Variants in FBXL13 observed in about 807,000 individuals in gnomAD.
The protein encoded by FBXL13 is F-box and leucine rich repeat protein 13.
Under a neutral mutation model 83.6 loss-of-function variants are expected in FBXL13, and 67 were observed. The ratio of observed to expected loss-of-function variants is 0.80; its 90% CI spans 0.66 to 0.98. The LOEUF (loss-of-function observed/expected upper bound fraction) is 0.98, where lower values mean the gene tolerates loss of function less well. FBXL13 is among the 50% of genes least tolerant of loss of function. The pLI, the probability that FBXL13 is intolerant of heterozygous loss-of-function variation, is 0.00. For synonymous variants in FBXL13, 272 were observed against 299.5 expected (o/e 0.91, Z 0.95); for missense variants, 822 against 866.5 (o/e 0.95, Z 0.64).
chr7:102,999,333 C>T (rs1006089419), intron 6 of FBXL13, among the ~76,000 whole-genome samples: 6 of 151,980 alleles, frequency 3.9e-5, no homozygotes, highest in African/African-American at 7.3e-5. Flanking sequence ...AGTATTTTAT[C>T]GAAGATTTTT....
intron 18 of FBXL13, among the ~76,000 whole-genome samples, chr7:102,824,678 GT>G (rs1461581222): frequency 6.6e-6 from 1 of 151,450 alleles, no homozygotes; most frequent in Non-Finnish European, 1.5e-5. Flanking sequence ...TAGAGACAGG[GT>G]TTTACCATGT....
chr7:102,954,337 A>C (rs1371286969), intron 8 of FBXL13, among the ~76,000 whole-genome samples: 1 of 152,234 alleles, frequency 6.6e-6, no homozygotes, highest in Non-Finnish European at 1.5e-5. Context: ...CAGACAAGCA[A>C]ATGCTGAGAG....
At chr7:102,976,090 C>T (rs759768705) in intron 6 of FBXL13, 1 of 766,450 alleles carries the variant, frequency 1.3e-6, no homozygotes, top group East Asian at 2.4e-5. Context: ...CAAGGACCAC[C>T]CCCATCCCTT....
At chr7:102,912,409 G>T (rs1367523526) in intron 11 of FBXL13, among the ~76,000 whole-genome samples, 1 of 152,060 alleles carries the variant, frequency 6.6e-6, no homozygotes. Context: ...TAAGTTAAAA[G>T]AATTATGGCT....
chr7:102,889,351 A>C (rs1811218352), intron 11 of FBXL13, among the ~76,000 whole-genome samples: 1 of 152,032 alleles, frequency 6.6e-6, no homozygotes, highest in South Asian at 2.1e-4. Flanking sequence ...GCTAGAGGCC[A>C]CCTCTTCCTA....
intron 16 of FBXL13, among the ~76,000 whole-genome samples, chr7:102,871,944 A>C (rs1390511703): frequency 1.3e-5 from 2 of 151,972 alleles, no homozygotes; most frequent in African/African-American, 4.8e-5. Context: ...TCTCCTTTTC[A>C]GTCTGTCCCC....
intron 11 of FBXL13, among the ~76,000 whole-genome samples, chr7:102,894,744 A>AG (rs1021406378): frequency 1.1e-4 from 16 of 150,798 alleles, no homozygotes; most frequent in African/African-American, 2.0e-4. Flanking sequence ...AAAAAAAAAA[A>AG]AGAGAGAGAG....
At chr7:103,021,069 C>G (rs952437175) in intron 6 of FBXL13, among the ~76,000 whole-genome samples, 8 of 152,154 alleles carry the variant, frequency 5.3e-5, no homozygotes, top group African/African-American at 1.9e-4. Flanking sequence ...ATCATGCTAC[C>G]TGACTTCAAA....
chr7:102,836,498 A>G (rs1312133587), intron 17 of FBXL13, among the ~76,000 whole-genome samples: 2 of 152,260 alleles, frequency 1.3e-5, no homozygotes, highest in African/African-American at 2.4e-5. Context: ...TCATACTTCT[A>G]TCGATGCTGC....
exon 14 of FBXL13, chr7:102,883,407 C>T: frequency 1.2e-6 from 2 of 1,613,680 alleles, no homozygotes; most frequent in Non-Finnish European, 1.7e-6. Flanking sequence ...ATAAATGTGA[C>T]TGAGATTTGG....
intron 16 of FBXL13, among the ~76,000 whole-genome samples, chr7:102,862,826 C>T (rs928996872): frequency 1.3e-5 from 2 of 152,232 alleles, no homozygotes; most frequent in African/African-American, 4.8e-5. Flanking sequence ...CCACCTACTT[C>T]TCTGGATGTT....
chr7:102,944,688 G>A (rs1051960273), intron 8 of FBXL13: 32 of 1,289,218 alleles, frequency 2.5e-5, no homozygotes, highest in Non-Finnish European at 3.4e-5. Flanking sequence ...TTGATTAACT[G>A]TGTTGCCTAT....
intron 1 of FBXL13, among the ~76,000 whole-genome samples, chr7:103,068,550 TGGA>T (rs1176207464): frequency 6.6e-6 from 1 of 152,120 alleles, no homozygotes; most frequent in Non-Finnish European, 1.5e-5. Flanking sequence ...TGGCGAGCCA[TGGA>T]ATTCCAGGGG....
intron 6 of FBXL13, among the ~76,000 whole-genome samples, chr7:103,017,987 C>T (rs554762110): frequency 2.6e-5 from 4 of 152,152 alleles, no homozygotes; most frequent in African/African-American, 7.2e-5. Context: ...CACAAAGATA[C>T]TCCTCGAGAA....
rs913645747 is a variant in FBXL13 at position 103,069,287 on chromosome 7, G to C, written c.-105+4959C>G. Among the ~76,000 whole-genome samples, 5 of 152,226 alleles carry C rather than the reference G, an allele frequency of 3.3e-5. No individual in the cohort carries two copies. In the South Asian group the frequency reaches 8.3e-4, roughly 25 times the overall value. On this transcript the variant is annotated intron_variant, in intron 1 of 19. Coordinates refer to ENST00000313221, the Ensembl canonical transcript of FBXL13. ...CTCTACCTGGTTGCCGCCCCATCTG[G>C]AAAGTGAGGAGCGCCTTTGCCCGGC...
At chr7:102,983,006 T>C (rs796872653) in intron 6 of FBXL13, among the ~76,000 whole-genome samples, 15 of 152,324 alleles carry the variant, frequency 9.8e-5, no homozygotes, top group African/African-American at 3.4e-4. Context: ...TTTCAGTCTG[T>C]ATAAGTTAGA....
Position 102,867,668 on chromosome 7 carries a change from CATAT to C in FBXL13, c.1635+9795_1635+9798del, listed in dbSNP as rs200661242. Among the ~76,000 whole-genome samples, 514 of 72,626 alleles carry C rather than the reference CATAT, an allele frequency of 7.1e-3. 10 individuals are homozygous for C. Among genetic ancestry groups the C allele is most frequent in the South Asian group, 0.017 (34 of 2,016 alleles). 47.6% of individuals were successfully genotyped at this position (72,626 alleles called of 152,430 possible). On this transcript the variant is annotated intron_variant, in intron 16 of 19. Transcript: ENST00000313221. ...TGAGCCAGGGAGTGATAGACTTAGACATATATATATATATATATATATATATATT... is the reference window on the plus strand; with the variant it reads ...TGAGCCAGGGAGTGATAGACTTAGACATATATATATATATATATATATATT...
At chr7:102,995,817 A>AAATG (rs1789727172) in intron 6 of FBXL13, among the ~76,000 whole-genome samples, 1 of 151,674 alleles carries the variant, frequency 6.6e-6, no homozygotes, top group South Asian at 2.1e-4. Context: ...ATAAATAAAT[A>AAATG]AAGGCATAGT....
intron 6 of FBXL13, among the ~76,000 whole-genome samples, chr7:102,969,916 C>A (rs553133205): frequency 6.6e-6 from 1 of 151,456 alleles, no homozygotes; most frequent in Admixed American, 6.6e-5. Flanking sequence ...AGAAATCAAC[C>A]ATACTGGCAA....
Sources: gnomAD v4.1 joint callset for allele counts (sites outside exome capture counted in the v4.1 genomes callset) on GRCh38, gnomAD v4.1.1 for gene constraint, MANE v1.5 for transcripts, NCBI Gene and HGNC (gene_info 2026-07-23, HGNC 2026-07-21) for gene names.